C8orf34: variants seen among roughly 807,000 people sequenced by gnomAD.
C8orf34 encodes uncharacterized protein C8orf34.
Under a neutral mutation model 68.3 loss-of-function variants are expected in C8orf34, and 65 were observed. That is an observed-to-expected ratio of 0.95 (90% CI 0.78 to 1.17). The LOEUF is 1.17. Ranked by LOEUF, C8orf34 falls within the 50% of genes most tolerant of loss-of-function variation. C8orf34 has a pLI of 0.00. For synonymous variants in C8orf34, 244 were observed against 241.2 expected (o/e 1.01, Z -0.11); for missense variants, 664 against 655.4 (o/e 1.01, Z -0.14).
At chr8:68,578,039 A>G (rs1201726313) in intron 7 of C8orf34, among the ~76,000 whole-genome samples, 2 of 151,738 alleles carry the variant, frequency 1.3e-5, no homozygotes, top group Non-Finnish European at 2.9e-5. Flanking sequence ...TAATAAGTTA[A>G]AAAAAAACTT....
intron 1 of C8orf34, among the ~76,000 whole-genome samples, chr8:68,398,775 G>A (rs912954619): frequency 6.6e-6 from 1 of 152,120 alleles, no homozygotes; most frequent in Admixed American, 6.6e-5. Flanking sequence ...AGATATTCAT[G>A]CTATATTTGG....
intron 10 of C8orf34, among the ~76,000 whole-genome samples, chr8:68,745,029 G>A (rs1366052955): frequency 1.1e-4 from 16 of 152,052 alleles, no homozygotes; most frequent in African/African-American, 2.4e-4. Flanking sequence ...GACTAACAGC[G>A]GATCTCTCGG....
At chr8:68,656,684 C>T (rs1172937129) in intron 8 of C8orf34, among the ~76,000 whole-genome samples, 1 of 152,140 alleles carries the variant, frequency 6.6e-6, no homozygotes, top group Non-Finnish European at 1.5e-5. Flanking sequence ...CCCACAGCTG[C>T]CTTGGTGACA....
intron 8 of C8orf34, among the ~76,000 whole-genome samples, chr8:68,682,365 A>C (rs1218651835): frequency 1.3e-5 from 2 of 152,098 alleles, no homozygotes; most frequent in Non-Finnish European, 2.9e-5. Context: ...AAAAGTTAAA[A>C]AGATATTTTT....
intron 8 of C8orf34, among the ~76,000 whole-genome samples, chr8:68,645,366 C>A (rs942566331): frequency 1.3e-5 from 2 of 152,028 alleles, no homozygotes; most frequent in Non-Finnish European, 1.5e-5. Flanking sequence ...ATGCTTTGAG[C>A]TTTTTTTCCT....
At chr8:68,378,199 C>T (rs1410061087) in intron 1 of C8orf34, among the ~76,000 whole-genome samples, 5 of 152,162 alleles carry the variant, frequency 3.3e-5, no homozygotes, top group Non-Finnish European at 7.3e-5. Flanking sequence ...ATTGAAAACC[C>T]CATTTTCCAT....
At chr8:68,631,699 G>T (rs1818695735) in intron 7 of C8orf34, among the ~76,000 whole-genome samples, 1 of 152,142 alleles carries the variant, frequency 6.6e-6, no homozygotes, top group Non-Finnish European at 1.5e-5. Flanking sequence ...AATCATGGGA[G>T]TGGTTTACAC....
intron 7 of C8orf34, among the ~76,000 whole-genome samples, chr8:68,568,664 G>T (rs905265702): frequency 1.3e-5 from 2 of 152,090 alleles, no homozygotes; most frequent in African/African-American, 4.8e-5. Context: ...TAGATCAGTA[G>T]ATTTTATGAA....
rs1247009855 is a variant in C8orf34 at position 68,600,335 on chromosome 8, G to A, written c.1106-40041G>A. Among the ~76,000 whole-genome samples the A allele has an allele frequency of 3.3e-5, 5 of 152,062 alleles. No homozygotes were observed. In the East Asian group the frequency reaches 9.6e-4, roughly 29 times the overall value. On this transcript the variant is annotated intron_variant, in intron 7 of 13. Transcript: ENST00000518698. ...GGCACTGAGCACCACATCAGATGGT[G>A]TTGTAATTTTTAGTTCAAACATCAT...
chr8:68,818,197 G>A (rs16935106), intron 13 of C8orf34, 42 bp from the exon 14 acceptor site: 227,308 of 1,598,518 alleles, frequency 0.14, 19,909 homozygotes, highest in East Asian at 0.44. Flanking sequence ...ATGTAAACAT[G>A]TTATTAAGCA....
At chr8:68,472,227 TGAG>T in intron 4 of C8orf34, among the ~76,000 whole-genome samples, 1 of 152,158 alleles carries the variant, frequency 6.6e-6, no homozygotes, top group Non-Finnish European at 1.5e-5. Context: ...TTTGGTGCCT[TGAG>T]CCCTCACTTT....
intron 12 of C8orf34, among the ~76,000 whole-genome samples, chr8:68,795,422 A>G (rs1346208364): frequency 6.6e-6 from 1 of 151,640 alleles, no homozygotes; most frequent in African/African-American, 2.4e-5. Context: ...GACATGTAAT[A>G]TAACATAATG....
chr8:68,724,270 TG>T (rs1821763693), intron 10 of C8orf34, among the ~76,000 whole-genome samples: 1 of 152,164 alleles, frequency 6.6e-6, no homozygotes, highest in Non-Finnish European at 1.5e-5. Context: ...TATGAAGAAT[TG>T]GAACAAAGAA....
At chr8:68,502,953 A>G (rs1044731472) in intron 5 of C8orf34, among the ~76,000 whole-genome samples, 3 of 152,220 alleles carry the variant, frequency 2.0e-5, no homozygotes, top group Non-Finnish European at 2.9e-5. Context: ...GAGCAGAGGA[A>G]CGTTTCAAAC....
chr8:68,730,836 A>C (rs904246223), intron 10 of C8orf34, among the ~76,000 whole-genome samples: 1 of 152,126 alleles, frequency 6.6e-6, no homozygotes, highest in African/African-American at 2.4e-5. Context: ...ATAATACCCA[A>C]GGAGATGTAT....
At chr8:68,458,145 C>T (rs1265878051) in intron 3 of C8orf34, among the ~76,000 whole-genome samples, 1 of 152,150 alleles carries the variant, frequency 6.6e-6, no homozygotes, top group Non-Finnish European at 1.5e-5. Context: ...TCACAAGCTA[C>T]AAAAACATCA....
intron 8 of C8orf34, among the ~76,000 whole-genome samples, chr8:68,683,419 G>T (rs754697347): frequency 2.6e-5 from 4 of 151,384 alleles, no homozygotes; most frequent in Non-Finnish European, 5.9e-5. Flanking sequence ...TGACCTAACG[G>T]GGAGTACTGA....
chr8:68,469,186 T>A (rs1196044745), intron 4 of C8orf34, among the ~76,000 whole-genome samples: 1 of 151,964 alleles, frequency 6.6e-6, no homozygotes, highest in African/African-American at 2.4e-5. Flanking sequence ...CCTCTGTGAG[T>A]TTTTGATGTC....
chr8:68,440,746 G>A (rs1292781623), intron 2 of C8orf34, among the ~76,000 whole-genome samples: 1 of 152,028 alleles, frequency 6.6e-6, no homozygotes, highest in East Asian at 1.9e-4. Flanking sequence ...ATTTACTGTA[G>A]CTCATGTGAG....
Sources: gnomAD v4.1 joint callset for allele counts (sites outside exome capture counted in the v4.1 genomes callset) on GRCh38, gnomAD v4.1.1 for gene constraint, MANE v1.5 for transcripts, NCBI Gene and HGNC (gene_info 2026-07-23, HGNC 2026-07-21) for gene names.